RBFOX1: variants seen among roughly 807,000 people sequenced by gnomAD.
RBFOX1 encodes the protein RNA binding fox-1 homolog 1, also known as RNA binding protein fox-1 homolog 1.
Under a neutral mutation model 57.7 loss-of-function variants are expected in RBFOX1, and 8 were observed. The ratio of observed to expected loss-of-function variants is 0.14; its 90% CI spans 0.08 to 0.25. RBFOX1 has a LOEUF of 0.25. Among genes scored for constraint, RBFOX1 ranks in the 10% least tolerant of loss-of-function variants. The pLI is 1.00. For missense variants in RBFOX1, 611 were observed against 548.5 expected, an observed-to-expected ratio of 1.11 and a Z score of -1.14; for synonymous variants, 326 against 222.4, an observed-to-expected ratio of 1.47 and a Z score of -4.15.
At chr16:6,962,262 C>G (rs946047974) in intron 3 of RBFOX1, among the ~76,000 whole-genome samples, 3 of 152,144 alleles carry the variant, frequency 2.0e-5, no homozygotes, top group African/African-American at 4.8e-5. Flanking sequence ...TCTCCTTTCT[C>G]TTACAAAAAG....
chr16:5,870,011 T>A (rs2057430015), intron 4 of RBFOX1, among the ~76,000 whole-genome samples: 1 of 151,902 alleles, frequency 6.6e-6, no homozygotes, highest in Non-Finnish European at 1.5e-5. Context: ...TATCTATAGG[T>A]GTATGACACA....
intron 4 of RBFOX1, among the ~76,000 whole-genome samples, chr16:7,288,089 C>G (rs1371822584): frequency 2.6e-5 from 4 of 152,096 alleles, no homozygotes; most frequent in Non-Finnish European, 5.9e-5. Context: ...GGATCAAGGT[C>G]TGAGATTTTT....
intron 2 of RBFOX1, among the ~76,000 whole-genome samples, chr16:6,511,270 G>A (rs547313620): frequency 6.6e-6 from 1 of 152,284 alleles, no homozygotes; most frequent in East Asian, 1.9e-4. Flanking sequence ...ACAGGAAATA[G>A]GGAGGAATAG....
rs1343245017 is a variant in RBFOX1 at position 6,654,585 on chromosome 16, C to T, written c.-63-18C>T. The T allele has an allele frequency of 6.7e-7, 1 of 1,501,398 alleles. No homozygotes were observed. Among genetic ancestry groups the T allele is most frequent in the Non-Finnish European group, 8.8e-7 (1 of 1,132,666 alleles). The allele number at this position is 1,501,398 out of a possible 1,614,324, so 93.0% of individuals were successfully genotyped here. ...CCTGTTCTTTCTCTCACTTTCCTTT[C>T]TTTTCTTCTCTTCTCAGGATATCAA... On this transcript the variant is annotated intron_variant, in intron 2 of 15. Transcript: ENST00000550418.
chr16:7,253,485 C>A (rs1017870778), intron 4 of RBFOX1, among the ~76,000 whole-genome samples: 1 of 152,282 alleles, frequency 6.6e-6, no homozygotes, highest in African/African-American at 2.4e-5. Flanking sequence ...CTCTGCCTAT[C>A]TATACATCAT....
At chr16:7,096,344 A>G (rs1009290789) in intron 4 of RBFOX1, among the ~76,000 whole-genome samples, 2 of 152,128 alleles carry the variant, frequency 1.3e-5, no homozygotes, top group African/African-American at 4.8e-5. Context: ...TCATCTCACC[A>G]TGTCATGGAA....
chr16:7,356,240 T>C (rs896553573), intron 4 of RBFOX1, among the ~76,000 whole-genome samples: 1 of 152,192 alleles, frequency 6.6e-6, no homozygotes, highest in African/African-American at 2.4e-5. Flanking sequence ...ACCCCTGTTT[T>C]ACGGGACTTA....
chr16:5,582,939 G>C (rs2046720464), intron 2 of RBFOX1, among the ~76,000 whole-genome samples: 2 of 152,156 alleles, frequency 1.3e-5, no homozygotes, highest in South Asian at 4.1e-4. Flanking sequence ...TGATAATGTT[G>C]AGCACTCGGG....
At chr16:6,689,679 G>T (rs763487853) in intron 3 of RBFOX1, among the ~76,000 whole-genome samples, 1 of 152,114 alleles carries the variant, frequency 6.6e-6, no homozygotes, top group Non-Finnish European at 1.5e-5. Flanking sequence ...AAATCCTCTG[G>T]AAGTACTTTG....
chr16:5,987,192 A>T (rs2060301333), intron 4 of RBFOX1, among the ~76,000 whole-genome samples: 1 of 152,150 alleles, frequency 6.6e-6, no homozygotes, highest in South Asian at 2.1e-4. Context: ...TTGTTTGTTC[A>T]CATATTTTGC....
intron 4 of RBFOX1, among the ~76,000 whole-genome samples, chr16:7,222,669 T>G (rs554231971): frequency 8.5e-5 from 13 of 152,338 alleles, no homozygotes; most frequent in African/African-American, 2.9e-4. Context: ...TCTTTGTTCC[T>G]TATAAGGTTG....
chr16:6,031,439 A>G (rs1193122179), intron 1 of RBFOX1, among the ~76,000 whole-genome samples: 3 of 152,168 alleles, frequency 2.0e-5, no homozygotes, highest in Non-Finnish European at 4.4e-5. Flanking sequence ...CTTAACTAGT[A>G]CCATCCTTTA....
At chr16:6,576,678 G>C (rs759160773) in intron 2 of RBFOX1, among the ~76,000 whole-genome samples, 1 of 152,018 alleles carries the variant, frequency 6.6e-6, no homozygotes, top group Non-Finnish European at 1.5e-5. Flanking sequence ...TGGTGACTGA[G>C]GTCAAACTAT....
chr16:7,622,452 C>T (rs2059453734), intron 10 of RBFOX1, among the ~76,000 whole-genome samples: 1 of 152,174 alleles, frequency 6.6e-6, no homozygotes, highest in African/African-American at 2.4e-5. Context: ...TATTAGCCTA[C>T]ATTTTGGCTG....
chr16:7,513,822 A>C (rs954225591), intron 4 of RBFOX1, among the ~76,000 whole-genome samples: 3 of 152,176 alleles, frequency 2.0e-5, no homozygotes, highest in African/African-American at 7.2e-5. Context: ...CCACTTATGC[A>C]GATTTAAAGC....
chr16:5,578,536 C>G (rs1389462493), intron 2 of RBFOX1, among the ~76,000 whole-genome samples: 1 of 152,162 alleles, frequency 6.6e-6, no homozygotes, highest in Non-Finnish European at 1.5e-5. Context: ...AATTTCAAAA[C>G]ACGAAAAACC....
chr16:6,022,068 G>A (rs2095091419), intron 1 of RBFOX1, among the ~76,000 whole-genome samples: 1 of 152,146 alleles, frequency 6.6e-6, no homozygotes, highest in African/African-American at 2.4e-5. Context: ...CTCTCTGCAT[G>A]TTCCAAGGAG....
chr16:6,412,057 C>T (rs2093473815), intron 2 of RBFOX1, among the ~76,000 whole-genome samples: 1 of 150,782 alleles, frequency 6.6e-6, no homozygotes, highest in South Asian at 2.1e-4. Context: ...GCTTGAAACC[C>T]GGGAGGCAGA....
At chr16:7,676,139 C>G (rs763937472) in intron 13 of RBFOX1, among the ~76,000 whole-genome samples, 1 of 152,120 alleles carries the variant, frequency 6.6e-6, no homozygotes, top group Non-Finnish European at 1.5e-5. Flanking sequence ...ACAAATTCTC[C>G]GTCTGAAGCA....
Sources: allele counts gnomAD v4.1 joint callset (sites outside exome capture counted in the v4.1 genomes callset), GRCh38; gene constraint gnomAD v4.1.1; transcripts MANE v1.5; gene names NCBI Gene and HGNC (gene_info 2026-07-23, HGNC 2026-07-21).